Variants in SYNE1 observed in about 807,000 individuals in gnomAD.
SYNE1 encodes spectrin repeat containing nuclear envelope protein 1.
A neutral mutation model predicts 1,111.0 loss-of-function variants in SYNE1; 616 were observed. That is an observed-to-expected ratio of 0.55 (90% CI 0.52 to 0.59). The LOEUF (loss-of-function observed/expected upper bound fraction) is 0.59, where lower values mean the gene tolerates loss of function less well. Among genes scored for constraint, SYNE1 ranks in the 20% least tolerant of loss-of-function variants. The pLI, the probability that SYNE1 is intolerant of heterozygous loss-of-function variation, is 0.00. For synonymous variants in SYNE1, 3,855 were observed against 3,825.8 expected, an observed-to-expected ratio of 1.01 and a Z score of -0.28; for missense variants, 10,006 against 10,417.0, an observed-to-expected ratio of 0.96 and a Z score of 1.72.
In SYNE1 at chr6:152,591,460, C is replaced by A. The variant is rs549757636; in HGVS notation, c.67+36805G>T. 2.0e-5 allele frequency among the ~76,000 whole-genome samples: 3 copies of A among 152,242 alleles called. No homozygotes were observed. The East Asian group carries it at 5.8e-4, about 29-fold the overall frequency. ...GCTGGGATAACTGGCTAGCCCTAGG[C>A]TGAAGATTGAAACAGGACCCCTACC... On this transcript the variant is annotated intron_variant, in intron 3 of 145. Transcript: ENST00000367255.
intron 93 of SYNE1, among the ~76,000 whole-genome samples, chr6:152,299,751 C>A (rs909861403): frequency 1.2e-4 from 18 of 151,640 alleles, no homozygotes; most frequent in Non-Finnish European, 2.9e-5. Flanking sequence ...CTGAATGCTT[C>A]TGCTTTAAAA....
chr6:152,484,103 T>A (rs2098926479), intron 13 of SYNE1, among the ~76,000 whole-genome samples: 1 of 150,534 alleles, frequency 6.6e-6, no homozygotes. Flanking sequence ...TCCCAGCTAC[T>A]TGGGAGGCTG....
chr6:152,427,652 A>G, intron 38 of SYNE1, 41 bp downstream of exon 38: 1 of 1,612,058 alleles, frequency 6.2e-7, no homozygotes, highest in Non-Finnish European at 8.5e-7. Context: ...TGTAACAAAA[A>G]GCATTTTATT....
chr6:152,495,000 A>G (rs185328070), intron 11 of SYNE1, among the ~76,000 whole-genome samples: 1 of 152,304 alleles, frequency 6.6e-6, no homozygotes, highest in East Asian at 1.9e-4. Flanking sequence ...TTCTTTGACC[A>G]AGGAAAATTC....
chr6:152,495,838 G>T (rs560060678), intron 11 of SYNE1, among the ~76,000 whole-genome samples: 4 of 152,236 alleles, frequency 2.6e-5, no homozygotes, highest in Non-Finnish European at 5.9e-5. Flanking sequence ...TTGTCCAAGT[G>T]TGTGCTCACC....
rs930328455 is a variant in SYNE1, at chr6:152,500,777, G to A, written c.888+1856C>T. The stretch of plus-strand genomic sequence containing the variant: ...ATCCTGGCTAACACAGTGAAACCCC[G>A]TCTCCACTAAAAAATACAAAAAAAT... On this transcript the variant is annotated intron_variant, in intron 10 of 145. Transcript: ENST00000367255. 3.3e-5 allele frequency among the ~76,000 whole-genome samples: 5 copies of A among 151,860 alleles called. No individual in the cohort carries two copies. In the South Asian group the frequency reaches 8.3e-4, roughly 25 times the overall value.
intron 42 of SYNE1, 72 bp from the exon 43 acceptor site, chr6:152,409,781 C>T (rs1415181913): frequency 1.3e-6 from 2 of 1,508,044 alleles, no homozygotes; most frequent in African/African-American, 2.8e-5. Flanking sequence ...TGCAATTGGA[C>T]TTGATGTTTC....
chr6:152,327,310 GAAAAGAAAAAA>G (rs2096097567), intron 78 of SYNE1, among the ~76,000 whole-genome samples: 1 of 145,606 alleles, frequency 6.9e-6, no homozygotes, highest in Non-Finnish European at 1.5e-5. Flanking sequence ...GAAAGGAAAA[GAAAAGAAAAAA>G]AAAAGAAATA....
In SYNE1 at chr6:152,206,312, C is replaced by T; in HGVS notation, c.22875G>A (p.Val7625=). The T allele has an allele frequency of 6.2e-7, 1 of 1,614,066 alleles. No individual in the cohort carries two copies. The highest frequency in any genetic ancestry group is 1.7e-4 in the Middle Eastern group (1 of 5,970). ...LRQQGSYILT[V]EAGKQLLLSA... The stretch of plus-strand genomic sequence containing the variant: ...AGAGAAGGAGTTGCTTGCCAGCCTC[C>T]ACAGTCAGGATGTAGCTGCCTTGTT... The change falls in exon 126 of 146, where the codon GTG becomes GTA. Residue 7625 remains valine (V), a synonymous_variant. Transcript: ENST00000367255.
At chr6:152,601,000 G>A (rs2099594886) in intron 3 of SYNE1, among the ~76,000 whole-genome samples, 1 of 152,194 alleles carries the variant, frequency 6.6e-6, no homozygotes, top group South Asian at 2.1e-4. Flanking sequence ...TATTTACAAT[G>A]TCTTAAAGTT....
chr6:152,483,285 A>G (rs765273578), intron 13 of SYNE1, 36 bp from the exon 14 acceptor site: 9 of 1,580,036 alleles, frequency 5.7e-6, no homozygotes, highest in Admixed American at 1.7e-5. Context: ...AAATATCTTT[A>G]ATACAGATGG....
At chr6:152,606,997 T>TTTC (rs1565156998) in intron 3 of SYNE1, among the ~76,000 whole-genome samples, 1 of 138,462 alleles carries the variant, frequency 7.2e-6, no homozygotes, top group Non-Finnish European at 1.6e-5. Context: ...TTTTTTTTTT[T>TTTC]TTTTTGAGAC....
intron 3 of SYNE1, among the ~76,000 whole-genome samples, chr6:152,559,249 C>T (rs1159446192): frequency 1.3e-5 from 2 of 151,662 alleles, no homozygotes; most frequent in East Asian, 3.9e-4. Flanking sequence ...AGCTGAGTGC[C>T]ACAATGCCCA....
intron 87 of SYNE1, chr6:152,315,714 A>T (rs2095698774): frequency 6.6e-6 from 1 of 151,986 alleles, no homozygotes; most frequent in African/African-American, 2.4e-5. Context: ...GCTTTTTTTC[A>T]TTGTTTTCAA....
intron 95 of SYNE1, 103 bp from the exon 96 acceptor site, chr6:152,284,275 T>C: frequency 8.4e-7 from 1 of 1,186,212 alleles, no homozygotes; most frequent in Non-Finnish European, 1.2e-6. Context: ...CGGAAGAGAT[T>C]TCACCTGGGA....
chr6:152,298,815 G>A (rs1034179704), intron 93 of SYNE1, among the ~76,000 whole-genome samples: 2 of 152,142 alleles, frequency 1.3e-5, no homozygotes, highest in African/African-American at 4.8e-5. Flanking sequence ...CCGTAATGAT[G>A]GGGTTGATTT....
intron 145 of SYNE1, chr6:152,126,571 A>C (rs2053525846): frequency 6.6e-6 from 1 of 152,210 alleles, no homozygotes; most frequent in Non-Finnish European, 1.5e-5. Flanking sequence ...CAGATATATC[A>C]GATAGTTCTG....
At chr6:152,568,991 C>G (rs1046739277) in intron 3 of SYNE1, among the ~76,000 whole-genome samples, 9 of 151,982 alleles carry the variant, frequency 5.9e-5, no homozygotes, top group Non-Finnish European at 2.9e-5. Context: ...TTTTTGAAAG[C>G]CAGTATTTTT....
At chr6:152,353,991 C>T (rs890949438) in intron 67 of SYNE1, among the ~76,000 whole-genome samples, 1 of 151,938 alleles carries the variant, frequency 6.6e-6, no homozygotes, top group Non-Finnish European at 1.5e-5. Context: ...AAAATGAAAA[C>T]AGGCCAGGTG....
Sources: allele counts gnomAD v4.1 joint callset (sites outside exome capture counted in the v4.1 genomes callset), GRCh38; gene constraint gnomAD v4.1.1; transcripts MANE v1.5; gene names NCBI Gene and HGNC (gene_info 2026-07-23, HGNC 2026-07-21).